The following AKAP19 variants were observed in gnomAD, a reference collection of about 807,000 sequenced individuals.
The protein encoded by AKAP19 is small A-kinase anchoring protein.
At chr2:190,144,071 G>A in the AKAP19 span, among the ~76,000 whole-genome samples, 4 of 148,884 alleles carry the variant, frequency 2.7e-5, no homozygotes, top group East Asian at 3.9e-4. Flanking sequence ...ACCTAATGGT[G>A]GATGACGAGT....
At chr2:190,000,781 TTTC>T in the AKAP19 span, among the ~76,000 whole-genome samples, 1 of 152,202 alleles carries the variant, frequency 6.6e-6, no homozygotes, top group African/African-American at 2.4e-5. Context: ...GATTAATTAT[TTTC>T]TTCTTGTTGC....
chr2:189,886,914 G>A, the AKAP19 span, among the ~76,000 whole-genome samples: 9 of 151,908 alleles, frequency 5.9e-5, no homozygotes, highest in Non-Finnish European at 1.3e-4. Context: ...ACACAAAAAT[G>A]CAGGCCCTGA....
chr2:189,981,638 A>G, the AKAP19 span, among the ~76,000 whole-genome samples: 2 of 152,216 alleles, frequency 1.3e-5, no homozygotes, highest in African/African-American at 4.8e-5. Context: ...GGTAGCACAT[A>G]TCATTCTTTC....
chr2:190,022,486 A>C, the AKAP19 span, among the ~76,000 whole-genome samples: 3 of 152,142 alleles, frequency 2.0e-5, no homozygotes, highest in South Asian at 6.2e-4. Context: ...AAATATATGG[A>C]AGTAATTTCT....
the AKAP19 span, among the ~76,000 whole-genome samples, chr2:190,143,486 A>G: frequency 1.3e-4 from 20 of 152,136 alleles, no homozygotes; most frequent in Non-Finnish European, 2.8e-4. Flanking sequence ...CACCTTGTGT[A>G]TAGCTCTTGG....
At chr2:189,906,994 TAA>T in the AKAP19 span, among the ~76,000 whole-genome samples, 1 of 152,200 alleles carries the variant, frequency 6.6e-6, no homozygotes, top group Admixed American at 6.5e-5. Flanking sequence ...GGGAATTACA[TAA>T]AAGTCTTAAG....
chr2:189,898,169 G>C, the AKAP19 span, among the ~76,000 whole-genome samples: 1 of 151,526 alleles, frequency 6.6e-6, no homozygotes, highest in Non-Finnish European at 1.5e-5. Flanking sequence ...GCCAGCCTAG[G>C]CTACAGAACA....
At chr2:189,948,207 A>G in the AKAP19 span, among the ~76,000 whole-genome samples, 1 of 152,176 alleles carries the variant, frequency 6.6e-6, no homozygotes, top group Admixed American at 6.5e-5. Flanking sequence ...AGTTAATAAG[A>G]AAGAAATTAA....
chr2:190,196,355 C>T, the AKAP19 span, among the ~76,000 whole-genome samples: 1 of 152,112 alleles, frequency 6.6e-6, no homozygotes, highest in Non-Finnish European at 1.5e-5. Context: ...ATGAATTTTT[C>T]ATTTCACATC....
At chr2:189,883,105 A>G in the AKAP19 span, among the ~76,000 whole-genome samples, 2 of 152,174 alleles carry the variant, frequency 1.3e-5, no homozygotes, top group African/African-American at 4.8e-5. Context: ...AACTTTGAGC[A>G]TAATCAGAAT....
At chr2:189,923,527 G>A in the AKAP19 span, 2 of 1,613,928 alleles carry the variant, frequency 1.2e-6, no homozygotes, top group Non-Finnish European at 1.7e-6. Flanking sequence ...GAAATGCCCG[G>A]GCTGCTGTAG....
At chr2:190,055,333 G>C in the AKAP19 span, among the ~76,000 whole-genome samples, 1 of 117,958 alleles carries the variant, frequency 8.5e-6, no homozygotes, top group South Asian at 3.4e-4. Flanking sequence ...CTGTTGTGGG[G>C]TGGGGGGAGG....
the AKAP19 span, among the ~76,000 whole-genome samples, chr2:190,006,798 C>G: frequency 1.3e-5 from 2 of 152,034 alleles, no homozygotes; most frequent in African/African-American, 4.8e-5. Flanking sequence ...GTAGGCAGAT[C>G]ACGAGGTCAG....
At chr2:190,023,795 G>GTGTATATATATA in the AKAP19 span, among the ~76,000 whole-genome samples, 51 of 142,820 alleles carry the variant, frequency 3.6e-4, no homozygotes, top group African/African-American at 1.1e-3. Flanking sequence ...ATGTGTGTGT[G>GTGTATATATATA]TATATATATA....
At chr2:190,136,680 C>T in the AKAP19 span, among the ~76,000 whole-genome samples, 2 of 152,162 alleles carry the variant, frequency 1.3e-5, no homozygotes, top group South Asian at 4.1e-4. Context: ...AGGCCTGTTT[C>T]TTTACCTATA....
chr2:190,026,827 A>T, the AKAP19 span, among the ~76,000 whole-genome samples: 1 of 152,226 alleles, frequency 6.6e-6, no homozygotes, highest in South Asian at 2.1e-4. Flanking sequence ...CTTAGTAAAG[A>T]TTATTGAATT....
chr2:190,148,535 A>G, the AKAP19 span, among the ~76,000 whole-genome samples: 1 of 152,124 alleles, frequency 6.6e-6, no homozygotes, highest in South Asian at 2.1e-4. Context: ...TGAATTAGGG[A>G]GGGTTCCTTC....
At chr2:190,175,520 G>A in the AKAP19 span, among the ~76,000 whole-genome samples, 52,879 of 152,020 alleles carry the variant, frequency 0.35, 9,914 homozygotes, top group Non-Finnish European at 0.43. Context: ...TTGGGTTGCC[G>A]GACATTTAGT....
the AKAP19 span, among the ~76,000 whole-genome samples, chr2:189,903,118 G>A: frequency 6.6e-6 from 1 of 151,782 alleles, no homozygotes; most frequent in Admixed American, 6.6e-5. Flanking sequence ...TGGAAAATCA[G>A]AGAGTAAAAG....
Sources: gnomAD v4.1 joint callset for allele counts (sites outside exome capture counted in the v4.1 genomes callset) on GRCh38, gnomAD v4.1.1 for gene constraint, MANE v1.5 for transcripts, NCBI Gene and HGNC (gene_info 2026-07-23, HGNC 2026-07-21) for gene names.